EME2: variants seen among roughly 807,000 people sequenced by gnomAD.
EME2 encodes the protein structure-specific endonuclease subunit EME2.
EME2 carries 58 observed loss-of-function variants against 41.9 expected under a neutral mutation model. That is an observed-to-expected ratio of 1.38 (90% CI 1.12 to 1.72). The LOEUF is 1.72. EME2 is among the 40% of genes most tolerant of loss of function. EME2 has a pLI of 0.00. For missense variants in EME2, 695 were observed against 541.9 expected (o/e 1.28, Z -2.81); for synonymous variants, 334 against 239.3 (o/e 1.40, Z -3.65).
At position 1,775,811 on chromosome 16, in the gene EME2, C is replaced by T. The variant is rs773395650; in HGVS notation, c.794C>T (p.Ser265Phe). The T allele has an allele frequency of 1.2e-6, 2 of 1,612,406 alleles. No homozygotes were observed. The highest frequency in any genetic ancestry group is 1.1e-5 in the South Asian group (1 of 91,058). Residue 265 changes from serine to phenylalanine, a missense_variant, in exon 7 of 8, where the codon TCC becomes TTC. Physicochemically the swap from Ser to Phe is radical, Grantham distance 155 (BLOSUM62 -2). Transcript: ENST00000568449. ...AQYPLKQYRE[S>F]QAFSFCTAGR... ...TCTGTCCCCAGGCAGTACCGGGAAT[C>T]CCAGGCCTTCTCCTTCTGCACAGCA...
In EME2 at chr16:1,777,216, G is replaced by A. The variant is rs569814895; in HGVS notation, c.*978G>A. On this transcript the variant is annotated 3_prime_UTR_variant, in exon 8 of 8. Coordinates refer to ENST00000568449, the MANE Select transcript of EME2 (RefSeq NM_001257370.2). The stretch of plus-strand genomic sequence containing the variant: ...TTGCGGCGGCTGCAACTCATGCTCA[G>A]GACCCAGCCCAGCTTGTTGTGTAGC... 74 of 1,610,638 alleles carry A rather than the reference G, an allele frequency of 4.6e-5. No individual in the cohort carries two copies. Among genetic ancestry groups the A allele is most frequent in the Middle Eastern group, 1.7e-4 (1 of 6,058 alleles).
At chr16:1,773,678 G>C (rs1360565457) in intron 1 of EME2, 27 bp from the exon 2 acceptor site, 1 of 1,547,746 alleles carries the variant, frequency 6.5e-7, no homozygotes, top group Non-Finnish European at 8.7e-7. Flanking sequence ...AGGAAGCAGT[G>C]ACCGCGCTCC....
Position 1,779,640 on chromosome 16 carries a change from G to GGAGCCC in EME2, c.*3404_*3409dup, listed in dbSNP as rs1247201925. The GGAGCCC allele has an allele frequency of 1.3e-5, 2 of 152,352 alleles. No homozygotes were observed. The highest frequency in any genetic ancestry group is 4.8e-5 in the African/African-American group (2 of 41,466). 9.4% of individuals were successfully genotyped at this position (152,352 alleles called of 1,614,324 possible). ...GAGCCAGGGTAGACCCCCTGAGTCA[G>GGAGCCC]GAGCCCGGGCACAGAACTGAGCACC... On this transcript the variant is annotated 3_prime_UTR_variant, in exon 8 of 8. Transcript: ENST00000568449.
intron 4 of EME2, 62 bp from the exon 5 acceptor site, chr16:1,775,241 GGGCTCTGGCAGA>G (rs1317248800): frequency 6.3e-7 from 1 of 1,591,040 alleles, no homozygotes; most frequent in African/African-American, 1.3e-5. Context: ...TTCTCCAGGT[GGGCTCTGGCAGA>G]GGCCAAGCTC....
rs1044881242 is a variant in EME2, at chr16:1,776,687, C to T, written c.*449C>T. 11 of 292,576 alleles carry T rather than the reference C, an allele frequency of 3.8e-5. No individual in the cohort carries two copies. The highest frequency in any genetic ancestry group is 8.8e-5 in the African/African-American group (4 of 45,584). The allele number at this position is 292,576 out of a possible 1,614,324, so 18.1% of individuals were successfully genotyped here. ...GCTGCTCGCAAGCCCGGCCTCTGCA[C>T]GGATACGTTTCAGCTCACGCCATGT... On this transcript the variant is annotated 3_prime_UTR_variant, in exon 8 of 8. Transcript: ENST00000568449.
At position 1,781,335 on chromosome 16, in the gene EME2, C is replaced by T; in HGVS notation, c.*5097C>T. 6.2e-7 allele frequency: 1 copy of T among 1,612,928 alleles called. No homozygotes were observed. Among genetic ancestry groups the T allele is most frequent in the African/African-American group, 1.3e-5 (1 of 75,044 alleles). On this transcript the variant is annotated 3_prime_UTR_variant, in exon 8 of 8. Coordinates refer to ENST00000568449, the MANE Select transcript of EME2 (RefSeq NM_001257370.2). ...TCTCCACACCTTAGGCCAGCCACGT[C>T]CGCCTCGCCCGCTGGAACCTACCTG... is the stretch of plus-strand genomic sequence containing the variant.
In EME2 at chr16:1,775,100, C is replaced by T. The variant is rs753232948; in HGVS notation, c.537C>T (p.His179=). 11 of 1,611,766 alleles carry T rather than the reference C, an allele frequency of 6.8e-6. No homozygotes were observed. The highest frequency in any genetic ancestry group is 1.6e-4 in the Middle Eastern group (1 of 6,084). The change falls in exon 4 of 8, where the codon CAC becomes CAT. Residue 179 remains histidine (H), a synonymous_variant. Transcript: ENST00000568449. The part of the protein sequence containing the change: ...WISPETTARP[H]LAVIGLDAYL... ...CCCCCGAGACCACCGCCCGGCCCCA[C>T]CTGGCTGTCATCGGGCTGGATGCCT...
rs181756783 is a variant in EME2, at chr16:1,776,774, C to T, written c.*536C>T. The stretch of plus-strand genomic sequence containing the variant: ...TTTAAGTCTATGACGGCGGGGCAGC[C>T]GCTGACAGCATGCAGAGCAAGTTAG... On this transcript the variant is annotated 3_prime_UTR_variant, in exon 8 of 8. Transcript: ENST00000568449. The T allele has an allele frequency of 8.1e-4, 362 of 447,554 alleles. 1 individual carries two copies. The highest frequency in any genetic ancestry group is 6.1e-3 in the African/African-American group (310 of 50,508). 27.7% of individuals were successfully genotyped at this position (447,554 alleles called of 1,614,324 possible).
chr16:1,774,142 C>T (rs908882524), intron 2 of EME2, 118 bp from the exon 3 acceptor site: 8 of 912,592 alleles, frequency 8.8e-6, no homozygotes, highest in African/African-American at 3.3e-5. Flanking sequence ...TAGAGCAGGC[C>T]TGTCAGGGCC....
Position 1,777,884 on chromosome 16 carries a change from C to T in EME2, c.*1646C>T. Reference sequence around the variant, plus strand: ...GTGGTGGAGGAGGCCTGGGGGCAGCCAGGGTCGCAGTGAGCCCGGGAGCTC... The same window carrying T: ...GTGGTGGAGGAGGCCTGGGGGCAGCTAGGGTCGCAGTGAGCCCGGGAGCTC... On this transcript the variant is annotated 3_prime_UTR_variant, in exon 8 of 8. Transcript: ENST00000568449. 1 of 1,612,048 alleles carries T rather than the reference C, an allele frequency of 6.2e-7. No individual in the cohort carries two copies. Among genetic ancestry groups the T allele is most frequent in the Non-Finnish European group, 8.5e-7 (1 of 1,179,686 alleles).
intron 1 of EME2, 107 bp downstream of exon 1, chr16:1,773,581 C>G (rs909918552): frequency 6.6e-7 from 1 of 1,518,262 alleles, no homozygotes; most frequent in Non-Finnish European, 8.8e-7. Flanking sequence ...GGCCTGGGGC[C>G]GGGCCCGCCT....
chr16:1,773,120 G>A lies in EME2; in HGVS notation c.-108G>A, dbSNP rs2042650250. ...GCGGACGCACCTTCTTCCGCGCCAT[G>A]GCGGGTCCGCGTCCTCAGCGGTCCG... On this transcript the variant is annotated 5_prime_UTR_variant, in exon 1 of 8. The change abolishes an upstream ATG in the 5' untranslated region. Transcript: ENST00000568449. The A allele has an allele frequency of 7.2e-6, 10 of 1,391,552 alleles. No homozygotes were observed. Among genetic ancestry groups the A allele is most frequent in the Non-Finnish European group, 9.3e-6 (10 of 1,078,080 alleles). 86.2% of individuals were successfully genotyped at this position (1,391,552 alleles called of 1,614,324 possible).
chr16:1,777,446 G>C lies in EME2; in HGVS notation c.*1208G>C. On this transcript the variant is annotated 3_prime_UTR_variant, in exon 8 of 8. Coordinates refer to ENST00000568449, the MANE Select transcript of EME2 (RefSeq NM_001257370.2). The stretch of plus-strand genomic sequence containing the variant: ...CTGCAGCTTGGTGGCTGCCACACCT[G>C]GAAGGGAGGGGCCCAGCCTGAACCC... The C allele has an allele frequency of 4.7e-6, 7 of 1,503,202 alleles. No individual in the cohort carries two copies. The highest frequency in any genetic ancestry group is 6.2e-6 in the Non-Finnish European group (7 of 1,126,924). The allele number at this position is 1,503,202 out of a possible 1,614,324, so 93.1% of individuals were successfully genotyped here.
intron 3 of EME2, among the ~76,000 whole-genome samples, chr16:1,774,569 C>T (rs997923590): frequency 2.0e-5 from 3 of 152,228 alleles, no homozygotes; most frequent in African/African-American, 7.2e-5. Context: ...CTAGAGGATC[C>T]TGAGAAGTGT....
rs752380711 is a variant in EME2 at position 1,776,232 on chromosome 16, C to T, written c.1134C>T (p.Gly378=). ...TANPDLLLDL[G]S ...ACCCTGATCTCCTGCTGGACCTGGG[C>T]TCCTGACCACACGTGGGACCACCAG... is the stretch of plus-strand genomic sequence containing the variant. The change falls in exon 8 of 8, where the codon GGC becomes GGT. Residue 378 remains glycine (G), a synonymous_variant. Transcript: ENST00000568449. 7 of 1,612,374 alleles carry T rather than the reference C, an allele frequency of 4.3e-6. No homozygotes were observed. The highest frequency in any genetic ancestry group is 2.2e-5 in the East Asian group (1 of 44,886).
intron 3 of EME2, among the ~76,000 whole-genome samples, chr16:1,774,777 TG>T (rs1260501341): frequency 6.6e-6 from 1 of 152,228 alleles, no homozygotes; most frequent in African/African-American, 2.4e-5. Flanking sequence ...AAAGCTAGGC[TG>T]GAGTACAGAG....
At position 1,773,400 on chromosome 16, in the gene EME2, G is replaced by GGGCGGCTGCCGAGGCGT; in HGVS notation, c.174_190dup (p.Leu64TrpfsTer16). ...GCCCGGGACCCAGCGGGTGAGCGCA[G>GGGCGGCTGCCGAGGCGT]GGCGGCTGCCGAGGCGTTGCGGCTG... On this transcript the variant is annotated frameshift_variant, in exon 1 of 8. Coordinates refer to ENST00000568449, the MANE Select transcript of EME2 (RefSeq NM_001257370.2). LOFTEE classifies it high-confidence loss of function. 1 of 1,563,314 alleles carries GGGCGGCTGCCGAGGCGT rather than the reference G, an allele frequency of 6.4e-7. No individual in the cohort carries two copies. Among genetic ancestry groups the GGGCGGCTGCCGAGGCGT allele is most frequent in the Non-Finnish European group, 8.6e-7 (1 of 1,163,806 alleles).
chr16:1,773,343 A>G lies in EME2; in HGVS notation c.116A>G (p.Glu39Gly). The G allele has an allele frequency of 6.6e-7, 1 of 1,519,482 alleles. No homozygotes were observed. The highest frequency in any genetic ancestry group is 8.7e-7 in the Non-Finnish European group (1 of 1,143,590). 94.1% of individuals were successfully genotyped at this position (1,519,482 alleles called of 1,614,324 possible). The change falls in exon 1 of 8, where the codon GAG (glutamate) becomes GGG (glycine). Residue 39 changes from glutamate (E) to glycine (G), a missense_variant. Transcript: ENST00000568449. ...TGGGAGATCTCAGACTCCGACGCTG[A>G]GGACTCCGCCGGCTCGGAGGCCGCC... ...PTWEISDSDA[E>G]DSAGSEAAAR...
Position 1,781,394 on chromosome 16 carries a change from T to C in EME2, c.*5156T>C, listed in dbSNP as rs36081450. 2 of 1,612,740 alleles carry C rather than the reference T, an allele frequency of 1.2e-6. No homozygotes were observed. The highest frequency in any genetic ancestry group is 1.7e-5 in the Admixed American group (1 of 59,986). Reference sequence around the variant, plus strand: ...AGTCGTAGCCCCAGTTAGTGGAGCCTGCTAGAGCCACGGCCCGGGCATCTG... The same window carrying C: ...AGTCGTAGCCCCAGTTAGTGGAGCCCGCTAGAGCCACGGCCCGGGCATCTG... On this transcript the variant is annotated 3_prime_UTR_variant, in exon 8 of 8. Transcript: ENST00000568449.
Sources: gnomAD v4.1 joint callset for allele counts (sites outside exome capture counted in the v4.1 genomes callset) on GRCh38, gnomAD v4.1.1 for gene constraint, MANE v1.5 for transcripts, NCBI Gene and HGNC (gene_info 2026-07-23, HGNC 2026-07-21) for gene names.